ACYP2: variants seen among roughly 807,000 people sequenced by gnomAD.
The protein encoded by ACYP2 is acylphosphatase 2.
A neutral mutation model predicts 11.2 loss-of-function variants in ACYP2; 12 were observed. That is an observed-to-expected ratio of 1.08 (90% confidence interval 0.69 to 1.74). ACYP2 has a LOEUF of 1.74. Ranked by LOEUF, ACYP2 falls within the 40% of genes most tolerant of loss-of-function variation. The pLI, the probability that ACYP2 is intolerant of heterozygous loss-of-function variation, is 0.00. For missense variants in ACYP2, 134 were observed against 101.9 expected (o/e 1.31, Z -1.35); for synonymous variants, 43 against 32.2 (o/e 1.33, Z -1.13).
Position 54,226,725 on chromosome 2 carries a change from A to G in ACYP2, c.405-77963A>G, listed in dbSNP as rs1378378907. Among the ~76,000 whole-genome samples, 4 of 152,104 alleles carry G rather than the reference A, an allele frequency of 2.6e-5. No homozygotes were observed. In the East Asian group the frequency reaches 7.7e-4, roughly 29 times the overall value. On this transcript the variant is annotated intron_variant, in intron 6 of 6. Transcript: ENST00000607452. ...CCCAGGTTTAGATTTGGCAGCAGCT[A>G]CCTCCCTCCTTTAAGTCCTCACCAC...
intron 6 of ACYP2, among the ~76,000 whole-genome samples, chr2:54,183,510 C>A (rs1053587853): frequency 6.7e-6 from 1 of 150,036 alleles, no homozygotes; most frequent in African/African-American, 2.5e-5. Context: ...TCAGCCTGGG[C>A]GACAGAGCGA....
intron 6 of ACYP2, among the ~76,000 whole-genome samples, chr2:54,144,206 C>T (rs908416173): frequency 2.0e-5 from 3 of 152,012 alleles, no homozygotes; most frequent in African/African-American, 7.3e-5. Flanking sequence ...CTTCTGAGCT[C>T]AAACGATCCT....
At chr2:54,072,566 CT>C (rs755362524) in intron 4 of ACYP2, among the ~76,000 whole-genome samples, 169 of 55,506 alleles carry the variant, frequency 3.0e-3, no homozygotes, top group Admixed American at 3.4e-3. Context: ...TTTCTTTCTT[CT>C]TTTTTTTTTT....
chr2:53,991,770 A>G (rs1422508689), intron 2 of ACYP2, among the ~76,000 whole-genome samples: 1 of 151,606 alleles, frequency 6.6e-6, no homozygotes, highest in Non-Finnish European at 1.5e-5. Context: ...CCTTCTCTCA[A>G]TTTTTTTTAA....
intron 6 of ACYP2, among the ~76,000 whole-genome samples, chr2:54,268,525 G>A (rs1367122234): frequency 6.6e-6 from 1 of 151,912 alleles, no homozygotes; most frequent in East Asian, 1.9e-4. Flanking sequence ...GAACTGGCTG[G>A]GTGCAGTGAC....
intron 2 of ACYP2, among the ~76,000 whole-genome samples, chr2:53,979,686 T>A (rs1671659800): frequency 6.6e-6 from 1 of 151,736 alleles, no homozygotes; most frequent in Non-Finnish European, 1.5e-5. Flanking sequence ...AGCAGTACAA[T>A]GTGTGTGTGT....
At chr2:54,194,261 A>C (rs1000212762) in intron 6 of ACYP2, among the ~76,000 whole-genome samples, 2 of 152,074 alleles carry the variant, frequency 1.3e-5, no homozygotes, top group Non-Finnish European at 2.9e-5. Context: ...GCTGATCTTG[A>C]ACTCCTGACC....
intron 6 of ACYP2, among the ~76,000 whole-genome samples, chr2:54,296,935 T>C (rs1051595186): frequency 6.6e-6 from 1 of 152,166 alleles, no homozygotes; most frequent in Non-Finnish European, 1.5e-5. Context: ...CAAAACTGAT[T>C]CAGATTTACC....
chr2:54,047,657 C>T (rs1675598362), intron 2 of ACYP2, among the ~76,000 whole-genome samples: 1 of 152,182 alleles, frequency 6.6e-6, no homozygotes, highest in South Asian at 2.1e-4. Flanking sequence ...TCCTTTTTGA[C>T]TGAATACCCC....
chr2:54,000,538 A>G (rs979277615), intron 2 of ACYP2, among the ~76,000 whole-genome samples: 2 of 152,262 alleles, frequency 1.3e-5, no homozygotes, highest in Non-Finnish European at 2.9e-5. Context: ...TTATGCTGTG[A>G]TAACGCAGAA....
At chr2:54,019,105 C>T (rs1398282919) in intron 2 of ACYP2, among the ~76,000 whole-genome samples, 1 of 150,902 alleles carries the variant, frequency 6.6e-6, no homozygotes, top group Non-Finnish European at 1.5e-5. Context: ...CTTGCTCTGT[C>T]ACCCAAGTTG....
Position 54,161,201 on chromosome 2 carries a change from C to T in ACYP2, c.404+22453C>T, listed in dbSNP as rs182559194. Among the ~76,000 whole-genome samples, 992 of 152,242 alleles carry T rather than the reference C, an allele frequency of 6.5e-3. 35 individuals carry two copies. The highest frequency in any genetic ancestry group is 0.06 in the Admixed American group (916 of 15,294). ...GGGTGAAAGACAGCTTGGAGATCAC[C>T]CAATCTGATACAGCCAATCTGCATA... On this transcript the variant is annotated intron_variant, in intron 6 of 6. Coordinates refer to ENST00000607452, the MANE Select transcript of ACYP2 (RefSeq NM_001320586.2).
At chr2:54,109,382 T>C (rs941385568) in intron 4 of ACYP2, among the ~76,000 whole-genome samples, 3 of 151,494 alleles carry the variant, frequency 2.0e-5, no homozygotes, top group Non-Finnish European at 4.4e-5. Flanking sequence ...GGCATAAAAA[T>C]GACACAGTGG....
chr2:54,097,783 A>G (rs943502715), intron 4 of ACYP2, among the ~76,000 whole-genome samples: 3 of 151,862 alleles, frequency 2.0e-5, no homozygotes, highest in Non-Finnish European at 2.9e-5. Flanking sequence ...TATAACTGCA[A>G]AAGATATTTT....
At chr2:54,080,618 A>T (rs1677595383) in intron 4 of ACYP2, among the ~76,000 whole-genome samples, 1 of 151,960 alleles carries the variant, frequency 6.6e-6, no homozygotes, top group African/African-American at 2.4e-5. Flanking sequence ...CCTCCTGAGT[A>T]GCTGGGATTA....
chr2:54,103,828 A>G (rs964780000), intron 4 of ACYP2, among the ~76,000 whole-genome samples: 3 of 152,234 alleles, frequency 2.0e-5, no homozygotes, highest in Non-Finnish European at 2.9e-5. Context: ...AGTGATTCAT[A>G]TGCAGCTTGA....
intron 2 of ACYP2, chr2:54,029,812 C>G (rs1674486668): frequency 1.8e-6 from 1 of 544,102 alleles, no homozygotes; most frequent in African/African-American, 1.9e-5. Flanking sequence ...GGGGGCATTC[C>G]TATTTGAACA....
At chr2:54,227,943 C>G (rs1027333736) in intron 6 of ACYP2, among the ~76,000 whole-genome samples, 5 of 152,206 alleles carry the variant, frequency 3.3e-5, no homozygotes, top group African/African-American at 1.2e-4. Flanking sequence ...ACTTTCAAAT[C>G]ATCTTCTCAG....
At chr2:54,128,223 T>C (rs1680660227) in intron 4 of ACYP2, among the ~76,000 whole-genome samples, 1 of 152,190 alleles carries the variant, frequency 6.6e-6, no homozygotes, top group South Asian at 2.1e-4. Context: ...CTTTGTTAGA[T>C]TGGGTGGTTT....
Sources: allele counts gnomAD v4.1 joint callset (sites outside exome capture counted in the v4.1 genomes callset), GRCh38; gene constraint gnomAD v4.1.1; transcripts MANE v1.5; gene names NCBI Gene and HGNC (gene_info 2026-07-23, HGNC 2026-07-21).